Variants in PDE7B observed in about 807,000 individuals in gnomAD.
PDE7B encodes phosphodiesterase 7B.
In PDE7B, 29 loss-of-function variants were observed where a neutral mutation model predicts 56.2. That is an observed-to-expected ratio of 0.52 (90% CI 0.38 to 0.70). PDE7B has a LOEUF of 0.70. Ranked by LOEUF, PDE7B falls within the 30% of genes least tolerant of loss-of-function variation. PDE7B has a pLI of 0.00. For missense variants in PDE7B, 490 were observed against 565.0 expected, an observed-to-expected ratio of 0.87 and a Z score of 1.35; for synonymous variants, 197 against 196.9, an observed-to-expected ratio of 1.00 and a Z score of 0.00.
At chr6:136,099,776 A>C (rs1018132035) in intron 2 of PDE7B, among the ~76,000 whole-genome samples, 3 of 152,134 alleles carry the variant, frequency 2.0e-5, no homozygotes, top group Non-Finnish European at 4.4e-5. Flanking sequence ...TCTTTAGTTT[A>C]ATTAGATCCC....
At chr6:136,069,336 C>A (rs1298974429) in intron 2 of PDE7B, among the ~76,000 whole-genome samples, 1 of 152,210 alleles carries the variant, frequency 6.6e-6, no homozygotes, top group Admixed American at 6.5e-5. Context: ...TTAAACCATT[C>A]ACAAGCACGT....
intron 2 of PDE7B, among the ~76,000 whole-genome samples, chr6:136,003,528 C>T (rs1412448626): frequency 1.1e-4 from 16 of 151,984 alleles, no homozygotes; most frequent in African/African-American, 3.4e-4. Context: ...ATATCACCAC[C>T]GATCCCACAG....
intron 2 of PDE7B, among the ~76,000 whole-genome samples, chr6:135,988,527 T>C (rs1438511017): frequency 1.3e-5 from 2 of 152,168 alleles, no homozygotes; most frequent in East Asian, 3.8e-4. Context: ...AATCTTTAAA[T>C]GATTTGTATA....
chr6:135,935,652 G>A (rs1303510745), intron 1 of PDE7B, among the ~76,000 whole-genome samples: 1 of 152,172 alleles, frequency 6.6e-6, no homozygotes, highest in African/African-American at 2.4e-5. Context: ...TTGAAGAGGT[G>A]TCTTTCAAAT....
chr6:135,927,369 G>A (rs1408322307), intron 1 of PDE7B, among the ~76,000 whole-genome samples: 2 of 152,024 alleles, frequency 1.3e-5, no homozygotes, highest in African/African-American at 4.8e-5. Context: ...GGGTGACTCA[G>A]GCTCTTTTTT....
intron 1 of PDE7B, among the ~76,000 whole-genome samples, chr6:135,905,253 AG>A (rs1213133928): frequency 6.6e-6 from 1 of 151,814 alleles, no homozygotes; most frequent in African/African-American, 2.4e-5. Context: ...AATTGACCTG[AG>A]TTTTATTTTA....
chr6:136,091,115 G>T (rs1054114796), intron 2 of PDE7B, among the ~76,000 whole-genome samples: 1 of 152,078 alleles, frequency 6.6e-6, no homozygotes, highest in Non-Finnish European at 1.5e-5. Context: ...TTAACATGTG[G>T]GTTCGGTTAC....
At chr6:136,002,679 AG>A (rs1261771464) in intron 2 of PDE7B, among the ~76,000 whole-genome samples, 2 of 152,230 alleles carry the variant, frequency 1.3e-5, no homozygotes, top group African/African-American at 4.8e-5. Flanking sequence ...CACCCAATAC[AG>A]GAGCACCCAG....
At chr6:136,108,411 CTGGATTCAGAGTCTTTGTCTCTG>C (rs1186308737) in intron 2 of PDE7B, among the ~76,000 whole-genome samples, 1 of 152,062 alleles carries the variant, frequency 6.6e-6, no homozygotes, top group Non-Finnish European at 1.5e-5. Flanking sequence ...ATTTGTCTTT[CTGGATTCAGAGTCTTTGTCTCTG>C]TGGCCCTGGG....
At chr6:135,960,214 C>T (rs1774875259) in intron 2 of PDE7B, among the ~76,000 whole-genome samples, 1 of 152,166 alleles carries the variant, frequency 6.6e-6, no homozygotes, top group Admixed American at 6.5e-5. Flanking sequence ...TGTGACCATA[C>T]AAATTTGTGT....
rs749398062 is a variant in PDE7B, at chr6:136,108,777, T to A, written c.129T>A (p.Arg43=). Residue 43 remains arginine (R), a synonymous_variant, in exon 3 of 13, where the codon CGT becomes CGA. Transcript: ENST00000308191. ...AGACGGGGGTTCGTGCTGAACGCCG[T>A]GGCTCCTACCCATTCATTGACTTCC... ...RGQTGVRAER[R]GSYPFIDFRL... is the part of the protein sequence containing the mutation. 42 of 1,611,560 alleles carry A rather than the reference T, an allele frequency of 2.6e-5. No individual in the cohort carries two copies. Among genetic ancestry groups the A allele is most frequent in the Non-Finnish European group, 3.5e-5 (41 of 1,177,794 alleles).
chr6:136,074,542 T>G (rs1366038006), intron 2 of PDE7B, among the ~76,000 whole-genome samples: 2 of 152,172 alleles, frequency 1.3e-5, no homozygotes, highest in Non-Finnish European at 2.9e-5. Flanking sequence ...CTCTATCTAA[T>G]TATATTTTTG....
chr6:136,192,192 T>G lies in PDE7B; in HGVS notation c.*352T>G. 1 of 297,518 alleles carries G rather than the reference T, an allele frequency of 3.4e-6. No individual in the cohort carries two copies. The highest frequency in any genetic ancestry group is 6.4e-6 in the Non-Finnish European group (1 of 155,086). The allele number at this position is 297,518 out of a possible 1,614,324, so 18.4% of individuals were successfully genotyped here. ...ACTGGAACAGGCAGCAATTCCTAAGTCCGGAGCGTTTGAGCGTTTGCTATC... is the reference window on the plus strand; with the variant it reads ...ACTGGAACAGGCAGCAATTCCTAAGGCCGGAGCGTTTGAGCGTTTGCTATC... On this transcript the variant is annotated 3_prime_UTR_variant, in exon 13 of 13. Transcript: ENST00000308191.
chr6:135,909,242 G>A (rs562376396), intron 1 of PDE7B, among the ~76,000 whole-genome samples: 140 of 152,282 alleles, frequency 9.2e-4, no homozygotes, highest in Non-Finnish European at 1.5e-3. Flanking sequence ...TAGAGAAACA[G>A]AAGGGATCTC....
intron 6 of PDE7B, 49 bp from the exon 7 acceptor site, chr6:136,154,026 C>T (rs772239425): frequency 1.6e-6 from 2 of 1,235,344 alleles, no homozygotes; most frequent in Non-Finnish European, 2.4e-6. Flanking sequence ...AGCTAGTATA[C>T]CACTCCTATT....
At chr6:136,039,499 G>A (rs974891745) in intron 2 of PDE7B, among the ~76,000 whole-genome samples, 12 of 152,136 alleles carry the variant, frequency 7.9e-5, no homozygotes, top group Non-Finnish European at 1.5e-4. Flanking sequence ...TCCCTTTCTC[G>A]TGGAAACAGA....
intron 3 of PDE7B, among the ~76,000 whole-genome samples, chr6:136,140,619 A>G (rs1452752196): frequency 6.6e-6 from 1 of 152,086 alleles, no homozygotes; most frequent in Non-Finnish European, 1.5e-5. Context: ...ATGTTCTTCC[A>G]TTGTTTGTAT....
At chr6:136,038,472 A>G in intron 2 of PDE7B, 1 of 1,290,004 alleles carries the variant, frequency 7.8e-7, no homozygotes, top group Non-Finnish European at 1.0e-6. Context: ...AGTGAGCTGC[A>G]GGCGACCAAA....
intron 3 of PDE7B, among the ~76,000 whole-genome samples, chr6:136,129,397 A>T (rs919695977): frequency 6.6e-6 from 1 of 152,168 alleles, no homozygotes; most frequent in African/African-American, 2.4e-5. Context: ...TCCCAACCCC[A>T]TGAGGGCACT....
Sources: gnomAD v4.1 joint callset for allele counts (sites outside exome capture counted in the v4.1 genomes callset) on GRCh38, gnomAD v4.1.1 for gene constraint, MANE v1.5 for transcripts, NCBI Gene and HGNC (gene_info 2026-07-23, HGNC 2026-07-21) for gene names.